TPST1: variants seen among roughly 807,000 people sequenced by gnomAD.
TPST1 encodes tyrosylprotein sulfotransferase 1.
In TPST1, 20 loss-of-function variants were observed where a neutral mutation model predicts 34.8. The observed-to-expected ratio is 0.57, with a 90% CI of 0.40 to 0.84. TPST1 has a LOEUF of 0.84. Ranked by LOEUF, TPST1 falls within the 40% of genes least tolerant of loss-of-function variation. The pLI is 0.00. For missense variants in TPST1, 353 were observed against 455.5 expected, an observed-to-expected ratio of 0.78 and a Z score of 2.05; for synonymous variants, 152 against 159.4, an observed-to-expected ratio of 0.95 and a Z score of 0.35.
At chr7:66,279,994 G>A (rs932594461) in intron 2 of TPST1, among the ~76,000 whole-genome samples, 12 of 152,208 alleles carry the variant, frequency 7.9e-5, no homozygotes, top group African/African-American at 2.7e-4. Context: ...TGGGGAAAAC[G>A]GAATCAAACC....
At chr7:66,318,523 G>T in intron 3 of TPST1, among the ~76,000 whole-genome samples, 1 of 151,108 alleles carries the variant, frequency 6.6e-6, no homozygotes, top group Non-Finnish European at 1.5e-5. Flanking sequence ...CTGGAGTGCA[G>T]TGGCACGATC....
chr7:66,257,569 C>T (rs1416323164), intron 2 of TPST1, among the ~76,000 whole-genome samples: 1 of 152,156 alleles, frequency 6.6e-6, no homozygotes, highest in Admixed American at 6.5e-5. Flanking sequence ...GACCTCTTTT[C>T]GTGTTATACT....
rs1385090245 is a variant in TPST1 at position 66,236,475 on chromosome 7, G to A, written c.-101-3850G>A. ...ACAACTTTAATGAAGTATATATAGT[G>A]TAAGGTATATGTACTTTATTTAAGT... On this transcript the variant is annotated intron_variant, in intron 1 of 5. Transcript: ENST00000304842. Among the ~76,000 whole-genome samples the A allele has an allele frequency of 2.0e-5, 3 of 152,120 alleles. No individual in the cohort carries two copies. In the East Asian group the frequency reaches 5.8e-4, roughly 29 times the overall value.
At chr7:66,215,374 G>GTA (rs1007135805) in intron 1 of TPST1, among the ~76,000 whole-genome samples, 9 of 146,948 alleles carry the variant, frequency 6.1e-5, no homozygotes, top group East Asian at 4.1e-4. Context: ...TTATATATAT[G>GTA]TATATATATA....
chr7:66,263,594 A>G (rs1429436624), intron 2 of TPST1, among the ~76,000 whole-genome samples: 1 of 152,208 alleles, frequency 6.6e-6, no homozygotes. Context: ...AATTACTAAC[A>G]GTTTCATTTG....
At chr7:66,272,863 G>A (rs951271425) in intron 2 of TPST1, among the ~76,000 whole-genome samples, 4 of 152,026 alleles carry the variant, frequency 2.6e-5, no homozygotes, top group African/African-American at 7.2e-5. Context: ...CTGGGATTAC[G>A]GGTGTGAGCC....
chr7:66,360,296 T>G lies in TPST1; in HGVS notation c.*431T>G, dbSNP rs1355952876. Reference sequence around the variant, plus strand: ...GTTTTGTAGAACACGTGTGCCTGTTTAAGTGTATTGATGTGAATAATATTA... The same window carrying G: ...GTTTTGTAGAACACGTGTGCCTGTTGAAGTGTATTGATGTGAATAATATTA... On this transcript the variant is annotated 3_prime_UTR_variant, in exon 6 of 6. Coordinates refer to ENST00000304842, the MANE Select transcript of TPST1 (RefSeq NM_003596.4). The G allele has an allele frequency of 1.1e-5, 2 of 188,484 alleles. No homozygotes were observed. 11.7% of individuals were successfully genotyped at this position (188,484 alleles called of 1,614,324 possible).
chr7:66,345,678 T>A (rs1057005744), intron 3 of TPST1, among the ~76,000 whole-genome samples: 2 of 151,978 alleles, frequency 1.3e-5, no homozygotes, highest in East Asian at 3.9e-4. Flanking sequence ...TTTTTAATTA[T>A]GTTTTTCATT....
At chr7:66,203,737 G>A (rs1377154007), upstream of TPST1, among the ~76,000 whole-genome samples, 1 of 151,718 alleles carries the variant, frequency 6.6e-6, no homozygotes, top group Non-Finnish European at 1.5e-5. Flanking sequence ...CGCCCACCTC[G>A]GCCTCTCAAA....
In TPST1 at chr7:66,240,855, G is replaced by C; in HGVS notation, c.430G>C (p.Glu144Gln). The change falls in exon 2 of 6, where the codon GAA becomes CAA. Residue 144 changes from glutamate to glutamine, a missense_variant. Coordinates refer to ENST00000304842, the MANE Select transcript of TPST1 (RefSeq NM_003596.4). ...TTCTGCCATGCAAGCCTTCTTACTA[G>C]AAATTATCGTTAAGCATGGGGAGCC... The part of the protein sequence containing the change: ...LDSAMQAFLL[E>Q]IIVKHGEPAP... The C allele has an allele frequency of 1.2e-6, 2 of 1,614,166 alleles. No homozygotes were observed. The highest frequency in any genetic ancestry group is 1.7e-6 in the Non-Finnish European group (2 of 1,180,036).
At chr7:66,257,837 T>A (rs2115684238) in intron 2 of TPST1, among the ~76,000 whole-genome samples, 1 of 152,314 alleles carries the variant, frequency 6.6e-6, no homozygotes, top group South Asian at 2.1e-4. Context: ...TAAAGAGCCC[T>A]TTGTATGACA....
At chr7:66,354,374 G>A (rs1039199711) in intron 4 of TPST1, among the ~76,000 whole-genome samples, 3 of 150,384 alleles carry the variant, frequency 2.0e-5, no homozygotes, top group Non-Finnish European at 3.0e-5. Context: ...GGGAGGCCCA[G>A]GTGGGTGGAT....
chr7:66,242,680 G>C (rs542670291), intron 2 of TPST1, among the ~76,000 whole-genome samples: 1 of 151,964 alleles, frequency 6.6e-6, no homozygotes, highest in Non-Finnish European at 1.5e-5. Flanking sequence ...ATGTTGGCCC[G>C]GCACCGATGC....
intron 2 of TPST1, among the ~76,000 whole-genome samples, chr7:66,252,103 G>A (rs1790273832): frequency 1.3e-5 from 2 of 152,054 alleles, no homozygotes; most frequent in Non-Finnish European, 2.9e-5. Context: ...TGTCGCCCAG[G>A]CTAGAGTGCA....
chr7:66,350,494 C>A (rs964353259), intron 3 of TPST1, among the ~76,000 whole-genome samples: 1 of 151,564 alleles, frequency 6.6e-6, no homozygotes, highest in Non-Finnish European at 1.5e-5. Context: ...AGCCTTGTGT[C>A]TCTACTTCAG....
Position 66,240,393 on chromosome 7 carries a change from A to G in TPST1, c.-33A>G. ...TTTTCCGAAAATCATTTTGAGCAAAATATCTGTTTAATAACAAGATAACCA... is the reference window on the plus strand; with the variant it reads ...TTTTCCGAAAATCATTTTGAGCAAAGTATCTGTTTAATAACAAGATAACCA... On this transcript the variant is annotated 5_prime_UTR_variant, in exon 2 of 6. Transcript: ENST00000304842. The G allele has an allele frequency of 1.3e-6, 2 of 1,591,220 alleles. No individual in the cohort carries two copies. The highest frequency in any genetic ancestry group is 1.7e-4 in the Middle Eastern group (1 of 5,864).
At chr7:66,268,518 C>T (rs1353639890) in intron 2 of TPST1, among the ~76,000 whole-genome samples, 1 of 151,764 alleles carries the variant, frequency 6.6e-6, no homozygotes, top group Non-Finnish European at 1.5e-5. Context: ...GGTATTGGGT[C>T]CTAAAATCAA....
intron 2 of TPST1, among the ~76,000 whole-genome samples, chr7:66,283,260 C>CA (rs1248348595): frequency 6.6e-6 from 1 of 151,398 alleles, no homozygotes; most frequent in Non-Finnish European, 1.5e-5. Flanking sequence ...GAGTCCGTCT[C>CA]AAAAAACAAA....
At chr7:66,224,244 G>C (rs1306390723) in intron 1 of TPST1, among the ~76,000 whole-genome samples, 1 of 152,190 alleles carries the variant, frequency 6.6e-6, no homozygotes, top group Non-Finnish European at 1.5e-5. Flanking sequence ...TTCAAAATCA[G>C]TCTCTGTGCA....
Sources: gnomAD v4.1 joint callset for allele counts (sites outside exome capture counted in the v4.1 genomes callset) on GRCh38, gnomAD v4.1.1 for gene constraint, MANE v1.5 for transcripts, NCBI Gene and HGNC (gene_info 2026-07-23, HGNC 2026-07-21) for gene names.